The following ELAVL4 variants were observed in gnomAD, a reference collection of about 807,000 sequenced individuals.
The protein encoded by ELAVL4 is ELAV like RNA binding protein 4.
A neutral mutation model predicts 35.6 loss-of-function variants in ELAVL4; 1 was observed. The ratio of observed to expected loss-of-function variants is 0.03; its 90% CI spans 0.01 to 0.13. ELAVL4 has a LOEUF of 0.13. Ranked by LOEUF, ELAVL4 falls within the 10% of genes least tolerant of loss-of-function variation. ELAVL4 has a pLI of 1.00. For missense variants in ELAVL4, 267 were observed against 464.9 expected, an observed-to-expected ratio of 0.57 and a Z score of 3.91; for synonymous variants, 156 against 171.0, an observed-to-expected ratio of 0.91 and a Z score of 0.69.
chr1:50,146,264 T>C (rs1367764627), intron 2 of ELAVL4, among the ~76,000 whole-genome samples: 1 of 152,124 alleles, frequency 6.6e-6, no homozygotes, highest in Non-Finnish European at 1.5e-5. Context: ...ATATACATTC[T>C]TCTGTTCTCA....
intron 3 of ELAVL4, among the ~76,000 whole-genome samples, chr1:50,178,654 G>A (rs1680500477): frequency 6.6e-6 from 1 of 152,088 alleles, no homozygotes. Context: ...TTTAATTATG[G>A]GGTAGTCCTC....
intron 1 of ELAVL4, among the ~76,000 whole-genome samples, chr1:50,135,752 A>T (rs539651109): frequency 1.3e-5 from 2 of 152,158 alleles, no homozygotes; most frequent in Non-Finnish European, 2.9e-5. Flanking sequence ...TCTTGGATGG[A>T]ATTAAATATT....
chr1:50,197,509 C>G lies in ELAVL4; in HGVS notation c.773+42C>G, dbSNP rs760533786. On this transcript the variant is annotated intron_variant, in intron 6 of 6. Coordinates refer to ENST00000371824, the MANE Select transcript of ELAVL4 (RefSeq NM_001144774.3). ...AGATTGCCAGATGTCCATGTTGGCA[C>G]AGACTGGGGCTAGAATTTTTTTTTT... 11 of 1,496,052 alleles carry G rather than the reference C, an allele frequency of 7.4e-6. No homozygotes were observed. The African/African-American group carries it at 1.5e-4, about 20-fold the overall frequency. 92.7% of individuals were successfully genotyped at this position (1,496,052 alleles called of 1,614,324 possible).
chr1:50,088,500 C>T (rs1665348406), intron 1 of ELAVL4, among the ~76,000 whole-genome samples: 1 of 152,174 alleles, frequency 6.6e-6, no homozygotes, highest in African/African-American at 2.4e-5. Flanking sequence ...TCATCTTCCC[C>T]ACTGAAGAGT....
At chr1:50,122,851 C>T (rs904378785) in intron 1 of ELAVL4, among the ~76,000 whole-genome samples, 4 of 152,116 alleles carry the variant, frequency 2.6e-5, no homozygotes, top group African/African-American at 2.4e-5. Context: ...TATTACCTCT[C>T]TAAGCCTCAG....
At chr1:50,189,195 T>C (rs1222208384) in intron 3 of ELAVL4, among the ~76,000 whole-genome samples, 2 of 152,230 alleles carry the variant, frequency 1.3e-5, no homozygotes, top group Non-Finnish European at 2.9e-5. Flanking sequence ...CCCTTTTCTG[T>C]ATTATGGAGG....
chr1:50,184,016 A>AAG (rs1230982476), intron 3 of ELAVL4, among the ~76,000 whole-genome samples: 1 of 152,162 alleles, frequency 6.6e-6, no homozygotes, highest in Non-Finnish European at 1.5e-5. Flanking sequence ...CCAGGGAGCC[A>AAG]AGAGAGAGCA....
rs564125827 is a variant in ELAVL4, at chr1:50,077,404, A to G, written c.18+29222A>G. On this transcript the variant is annotated intron_variant, in intron 1 of 6. Transcript: ENST00000448907. ...AAGTCTCACCTTAAGACAGTCAGGCAGGAGGAGTTCCCTCTTACTTGAGGG... is the reference window on the plus strand; with the variant it reads ...AAGTCTCACCTTAAGACAGTCAGGCGGGAGGAGTTCCCTCTTACTTGAGGG... 3.9e-5 allele frequency among the ~76,000 whole-genome samples: 6 copies of G among 152,336 alleles called. No individual in the cohort carries two copies. In the South Asian group the frequency reaches 1.2e-3, roughly 32 times the overall value.
intron 1 of ELAVL4, among the ~76,000 whole-genome samples, chr1:50,083,918 G>A (rs994036609): frequency 1.3e-5 from 2 of 152,130 alleles, no homozygotes; most frequent in African/African-American, 4.8e-5. Flanking sequence ...GTGAGTTTCT[G>A]CATTTTGCAT....
chr1:50,183,303 T>C (rs944306149), intron 3 of ELAVL4, among the ~76,000 whole-genome samples: 4 of 152,190 alleles, frequency 2.6e-5, no homozygotes, highest in Admixed American at 2.6e-4. Context: ...TTGTGAGTGA[T>C]TGCAGCACTG....
At chr1:50,200,702 T>C in intron 6 of ELAVL4, 149 bp from the exon 7 acceptor site, 4 of 1,440,296 alleles carry the variant, frequency 2.8e-6, no homozygotes, top group Non-Finnish European at 3.7e-6. Flanking sequence ...ACATAGACAT[T>C]AGTTTTTACA....
At chr1:50,162,873 T>C (rs993866225) in intron 2 of ELAVL4, among the ~76,000 whole-genome samples, 30 of 152,234 alleles carry the variant, frequency 2.0e-4, no homozygotes, top group African/African-American at 6.0e-4. Flanking sequence ...CGTGAGCCAC[T>C]GCACCCAGCC....
intron 3 of ELAVL4, among the ~76,000 whole-genome samples, chr1:50,181,893 G>T (rs1317505536): frequency 6.6e-6 from 1 of 152,146 alleles, no homozygotes. Context: ...GTGTTGGTCA[G>T]TCTGGTTGCG....
At chr1:50,165,521 G>GA (rs1677630655) in intron 2 of ELAVL4, among the ~76,000 whole-genome samples, 1 of 148,290 alleles carries the variant, frequency 6.7e-6, no homozygotes, top group East Asian at 2.0e-4. Context: ...GCATATATAC[G>GA]TATATACATA....
At chr1:50,103,930 C>T (rs1215466666), upstream of ELAVL4, 50 of 1,613,538 alleles carry the variant, frequency 3.1e-5, no homozygotes, top group Non-Finnish European at 4.2e-5. Flanking sequence ...GAGTTTTGTG[C>T]TGTTGCACGT....
intron 1 of ELAVL4, among the ~76,000 whole-genome samples, chr1:50,077,975 GCT>G (rs928686609): frequency 2.0e-5 from 3 of 152,102 alleles, no homozygotes; most frequent in African/African-American, 7.2e-5. Context: ...TTCAATCCCA[GCT>G]CTGTCACTAG....
chr1:50,093,837 A>G (rs1338144102), intron 1 of ELAVL4, among the ~76,000 whole-genome samples: 1 of 152,256 alleles, frequency 6.6e-6, no homozygotes, highest in Non-Finnish European at 1.5e-5. Context: ...TCTCGTGGTT[A>G]TAAGAATAAC....
At chr1:50,128,209 A>C (rs1191834288) in intron 1 of ELAVL4, among the ~76,000 whole-genome samples, 1 of 152,160 alleles carries the variant, frequency 6.6e-6, no homozygotes, top group Non-Finnish European at 1.5e-5. Flanking sequence ...CCTTACTTGG[A>C]AAATGGAAGG....
intron 1 of ELAVL4, among the ~76,000 whole-genome samples, chr1:50,088,683 G>C (rs1665355691): frequency 6.6e-6 from 1 of 152,138 alleles, no homozygotes; most frequent in Non-Finnish European, 1.5e-5. Context: ...TTGGCAGAAT[G>C]GTAATGCTAC....
Sources: gnomAD v4.1 joint callset for allele counts (sites outside exome capture counted in the v4.1 genomes callset) on GRCh38, gnomAD v4.1.1 for gene constraint, MANE v1.5 for transcripts, NCBI Gene and HGNC (gene_info 2026-07-23, HGNC 2026-07-21) for gene names.